Variants in TSPAN5 observed in about 807,000 individuals in gnomAD.
The protein encoded by TSPAN5 is tetraspanin-5.
In TSPAN5, 10 loss-of-function variants were observed where a neutral mutation model predicts 37.1. The observed-to-expected ratio is 0.27, with a 90% confidence interval of 0.17 to 0.46. The LOEUF is 0.46. Ranked by LOEUF, TSPAN5 falls within the 20% of genes least tolerant of loss-of-function variation. TSPAN5 has a pLI of 1.00. For synonymous variants in TSPAN5, 110 were observed against 118.9 expected, an observed-to-expected ratio of 0.93 and a Z score of 0.48; for missense variants, 195 against 326.6, an observed-to-expected ratio of 0.60 and a Z score of 3.11.
At chr4:98,481,722 T>C (rs1560506520) in intron 4 of TSPAN5, among the ~76,000 whole-genome samples, 1 of 152,124 alleles carries the variant, frequency 6.6e-6, no homozygotes, top group East Asian at 1.9e-4. Flanking sequence ...CAAATGCAAA[T>C]AGGAAAGGAC....
At chr4:98,580,145 T>A (rs955051190) in intron 1 of TSPAN5, among the ~76,000 whole-genome samples, 4 of 152,168 alleles carry the variant, frequency 2.6e-5, no homozygotes, top group African/African-American at 9.7e-5. Flanking sequence ...TTATCTTCTT[T>A]AAGCAAAATA....
rs149013746 is a variant in TSPAN5 at position 98,554,669 on chromosome 4, A to C, written c.82-46941T>G. On this transcript the variant is annotated intron_variant, in intron 1 of 7. Coordinates refer to ENST00000305798, the MANE Select transcript of TSPAN5 (RefSeq NM_005723.4). ...CGCTTTTTAATATAAGAATCTAAAT[A>C]TAATGAAGAAACAACCCCTAAAATA... is the stretch of plus-strand genomic sequence containing the variant. 1.6e-4 allele frequency among the ~76,000 whole-genome samples: 25 copies of C among 152,366 alleles called. 1 individual carries two copies. The East Asian group carries it at 4.6e-3, about 28-fold the overall frequency.
chr4:98,476,069 G>A, intron 7 of TSPAN5, 120 bp downstream of exon 7: 1 of 703,084 alleles, frequency 1.4e-6, no homozygotes, highest in Admixed American at 2.5e-5. Context: ...CTGTTCCTCA[G>A]CCCTCCAATG....
intron 1 of TSPAN5, among the ~76,000 whole-genome samples, chr4:98,639,686 C>T (rs927087714): frequency 9.2e-5 from 14 of 152,168 alleles, no homozygotes; most frequent in South Asian, 4.1e-4. Flanking sequence ...GCATATCCTT[C>T]GCTCAATATG....
chr4:98,573,060 T>A (rs184672893), intron 1 of TSPAN5, among the ~76,000 whole-genome samples: 1 of 152,236 alleles, frequency 6.6e-6, no homozygotes, highest in African/African-American at 2.4e-5. Context: ...ACGTTTCTTA[T>A]GGAGAAAGAG....
chr4:98,656,806 A>G (rs1757302987), intron 1 of TSPAN5, among the ~76,000 whole-genome samples: 2 of 152,196 alleles, frequency 1.3e-5, no homozygotes, highest in African/African-American at 2.4e-5. Context: ...ATAATAGAAA[A>G]CAGAAAATAA....
At chr4:98,479,112 T>C (rs114660210) in intron 4 of TSPAN5, among the ~76,000 whole-genome samples, 1,842 of 152,278 alleles carry the variant, frequency 0.012, 12 homozygotes, top group South Asian at 0.023. Flanking sequence ...TCTGTTTGGC[T>C]TGGGCACGTC....
chr4:98,575,628 A>ACAG, intron 1 of TSPAN5, among the ~76,000 whole-genome samples: 1 of 152,308 alleles, frequency 6.6e-6, no homozygotes, highest in East Asian at 1.9e-4. Context: ...AACAAAAACA[A>ACAG]CAGCAGCAAA....
intron 2 of TSPAN5, among the ~76,000 whole-genome samples, chr4:98,490,622 T>C (rs1753064481): frequency 6.6e-6 from 1 of 152,246 alleles, no homozygotes; most frequent in Non-Finnish European, 1.5e-5. Context: ...CCAAGAACTT[T>C]ATTTTTAATG....
At chr4:98,543,572 C>G (rs768744159) in intron 1 of TSPAN5, among the ~76,000 whole-genome samples, 9 of 151,534 alleles carry the variant, frequency 5.9e-5, no homozygotes, top group Middle Eastern at 3.4e-3. Context: ...CCCGACACCA[C>G]GCCAGGCTAA....
At chr4:98,499,343 G>A (rs1360818985) in intron 2 of TSPAN5, among the ~76,000 whole-genome samples, 1 of 152,200 alleles carries the variant, frequency 6.6e-6, no homozygotes, top group Non-Finnish European at 1.5e-5. Flanking sequence ...GGCTCGGCAG[G>A]GAGAACATTT....
chr4:98,477,213 G>T (rs1447662184), intron 5 of TSPAN5, among the ~76,000 whole-genome samples: 1 of 152,254 alleles, frequency 6.6e-6, no homozygotes, highest in Non-Finnish European at 1.5e-5. Context: ...CCAGTGCAAG[G>T]CCACCAGGAT....
chr4:98,600,468 T>G (rs1197918670), intron 1 of TSPAN5, among the ~76,000 whole-genome samples: 1 of 152,222 alleles, frequency 6.6e-6, no homozygotes, highest in Non-Finnish European at 1.5e-5. Context: ...TTATGGAATA[T>G]TCTAAATCCT....
chr4:98,521,181 C>T (rs139099543), intron 1 of TSPAN5, among the ~76,000 whole-genome samples: 18 of 152,296 alleles, frequency 1.2e-4, no homozygotes, highest in Admixed American at 2.0e-4. Context: ...CCACCTGCCT[C>T]GGCTTCCCAA....
intron 1 of TSPAN5, among the ~76,000 whole-genome samples, chr4:98,617,287 C>G (rs2110242649): frequency 6.6e-6 from 1 of 152,186 alleles, no homozygotes; most frequent in East Asian, 1.9e-4. Context: ...ATCATCTAGT[C>G]TGGCCTCTTC....
intron 5 of TSPAN5, among the ~76,000 whole-genome samples, chr4:98,477,059 G>A (rs1161135176): frequency 6.6e-6 from 1 of 152,206 alleles, no homozygotes. Flanking sequence ...AGCTTAGAGC[G>A]CAAGGAATGA....
At chr4:98,563,920 C>CCCACCACAAAGAATTACCTGG (rs1727955780) in intron 1 of TSPAN5, among the ~76,000 whole-genome samples, 2 of 152,140 alleles carry the variant, frequency 1.3e-5, no homozygotes, top group African/African-American at 4.8e-5. Context: ...CAAGACAGTC[C>CCCACCACAAAGAATTACCTGG]CCACCACAAA....
At chr4:98,540,432 G>C (rs1754333510) in intron 1 of TSPAN5, among the ~76,000 whole-genome samples, 1 of 152,056 alleles carries the variant, frequency 6.6e-6, no homozygotes, top group African/African-American at 2.4e-5. Context: ...CCGCCTCCCA[G>C]GTTCAAGCTA....
intron 2 of TSPAN5, among the ~76,000 whole-genome samples, chr4:98,503,449 C>G (rs1753402329): frequency 6.6e-6 from 1 of 152,092 alleles, no homozygotes; most frequent in Non-Finnish European, 1.5e-5. Context: ...TCAGAAGGAA[C>G]CAGGCCCTCA....
Sources: gnomAD v4.1 joint callset for allele counts (sites outside exome capture counted in the v4.1 genomes callset) on GRCh38, gnomAD v4.1.1 for gene constraint, MANE v1.5 for transcripts, NCBI Gene and HGNC (gene_info 2026-07-23, HGNC 2026-07-21) for gene names.